SEMA6D: variants seen among roughly 807,000 people sequenced by gnomAD.
The protein encoded by SEMA6D is semaphorin 6D, also known as semaphorin-6D.
A neutral mutation model predicts 106.6 loss-of-function variants in SEMA6D; 35 were observed. The observed-to-expected ratio is 0.33, with a 90% CI of 0.25 to 0.44. The LOEUF is 0.44. Among genes scored for constraint, SEMA6D ranks in the 20% least tolerant of loss-of-function variants. The probability of loss-of-function intolerance (pLI) is 1.00; values close to 1 mark genes in which losing one functional copy is unlikely to be tolerated. For missense variants in SEMA6D, 1,185 were observed against 1,345.9 expected (o/e 0.88, Z 1.87); for synonymous variants, 499 against 487.7 (o/e 1.02, Z -0.31).
chr15:47,760,489 C>T (rs1396597770), intron 3 of SEMA6D, 74 bp downstream of exon 3: 3 of 1,127,076 alleles, frequency 2.7e-6, no homozygotes, highest in Non-Finnish European at 3.9e-6. Flanking sequence ...GTGTCTAGTT[C>T]ATGAAAAACT....
intron 4 of SEMA6D, among the ~76,000 whole-genome samples, chr15:47,631,869 T>C (rs2077299178): frequency 6.6e-6 from 1 of 152,028 alleles, no homozygotes; most frequent in Non-Finnish European, 1.5e-5. Flanking sequence ...ATAATGTGTC[T>C]TGGCATGGAT....
chr15:47,625,675 G>A (rs1009095085), intron 4 of SEMA6D, among the ~76,000 whole-genome samples: 1 of 151,512 alleles, frequency 6.6e-6, no homozygotes, highest in Non-Finnish European at 1.5e-5. Flanking sequence ...GGGTGACAGA[G>A]CCTGACCGTG....
intron 3 of SEMA6D, among the ~76,000 whole-genome samples, chr15:47,590,193 T>C (rs1183365923): frequency 2.0e-5 from 3 of 152,064 alleles, no homozygotes; most frequent in African/African-American, 4.8e-5. Flanking sequence ...TGGAATACTA[T>C]GCAGCCATAA....
chr15:47,415,161 C>G (rs16959431), intron 2 of SEMA6D, among the ~76,000 whole-genome samples: 15,322 of 152,150 alleles, frequency 0.1, 1,081 homozygotes, highest in East Asian at 0.28. Flanking sequence ...TGAATGAAGG[C>G]TTACAGTTGC....
chr15:47,460,720 A>G (rs1409424385), intron 2 of SEMA6D, among the ~76,000 whole-genome samples: 2 of 152,134 alleles, frequency 1.3e-5, no homozygotes, highest in Admixed American at 1.3e-4. Flanking sequence ...ATTTTTATTT[A>G]AACTATAATA....
At chr15:47,338,914 C>G (rs2037687495) in intron 1 of SEMA6D, among the ~76,000 whole-genome samples, 1 of 152,134 alleles carries the variant, frequency 6.6e-6, no homozygotes, top group Non-Finnish European at 1.5e-5. Context: ...ATTCCTGCAC[C>G]ATACCATAGA....
In SEMA6D at chr15:47,589,473, C is replaced by T. The variant is rs539213418; in HGVS notation, c.-86-11392C>T. On this transcript the variant is annotated intron_variant, in intron 3 of 19. Transcript: ENST00000558014. ...CCTGCTGACAAAGCAAGTGTTTGCC[C>T]TCCCAGTGGTCCTCTCCTTGGCCTG... Among the ~76,000 whole-genome samples, 6 of 152,340 alleles carry T rather than the reference C, an allele frequency of 3.9e-5. No homozygotes were observed. In the East Asian group the frequency reaches 9.7e-4, roughly 25 times the overall value.
chr15:47,440,316 A>ATGACG (rs58029418), intron 2 of SEMA6D, among the ~76,000 whole-genome samples: 120,657 of 151,730 alleles, frequency 0.8, 49,043 homozygotes, highest in East Asian at 0.98. Context: ...GCCAAACAAA[A>ATGACG]TGACAGTGGG....
At chr15:47,760,521 A>G (rs1168157840) in intron 3 of SEMA6D, 106 bp downstream of exon 3, 1 of 837,558 alleles carries the variant, frequency 1.2e-6, no homozygotes, top group African/African-American at 1.7e-5. Flanking sequence ...GTGATCAAAA[A>G]TTGCAAGTAG....
chr15:47,317,831 G>A (rs530110538), intron 1 of SEMA6D, among the ~76,000 whole-genome samples: 1 of 152,174 alleles, frequency 6.6e-6, no homozygotes, highest in South Asian at 2.1e-4. Context: ...CTGCCCAGGT[G>A]TAGTGTTTTA....
At chr15:47,232,376 G>T (rs113844308) in intron 1 of SEMA6D, among the ~76,000 whole-genome samples, 4 of 151,998 alleles carry the variant, frequency 2.6e-5, no homozygotes, top group African/African-American at 9.6e-5. Flanking sequence ...TGGAATTGCT[G>T]GGTCATATGG....
At chr15:47,656,157 T>G (rs1566964514) in intron 4 of SEMA6D, among the ~76,000 whole-genome samples, 1 of 152,252 alleles carries the variant, frequency 6.6e-6, no homozygotes, top group Non-Finnish European at 1.5e-5. Flanking sequence ...ACATTTGAGT[T>G]ATAGTGCTGT....
intron 1 of SEMA6D, among the ~76,000 whole-genome samples, chr15:47,409,513 C>CA: frequency 6.6e-6 from 1 of 152,282 alleles, no homozygotes; most frequent in East Asian, 1.9e-4. Flanking sequence ...GTTCCTCCCC[C>CA]ATAAATAAGG....
At chr15:47,569,267 C>T (rs978834327) in intron 3 of SEMA6D, among the ~76,000 whole-genome samples, 6 of 152,146 alleles carry the variant, frequency 3.9e-5, no homozygotes, top group African/African-American at 1.4e-4. Flanking sequence ...TGCATTCCAC[C>T]TGGCTGCTGG....
intron 3 of SEMA6D, among the ~76,000 whole-genome samples, chr15:47,573,300 CA>C (rs112635043): frequency 0.087 from 13,055 of 150,650 alleles, 702 homozygotes; most frequent in East Asian, 0.25. Flanking sequence ...GTTTATTCTC[CA>C]AAAAAAAATC....
intron 1 of SEMA6D, among the ~76,000 whole-genome samples, chr15:47,280,506 G>A (rs1456117742): frequency 7.3e-5 from 9 of 122,470 alleles, no homozygotes; most frequent in African/African-American, 2.8e-4. Context: ...TTTTTGAAGG[G>A]TTTTTTGTGT....
chr15:47,257,779 T>C lies in SEMA6D; in HGVS notation c.-239+73361T>C, dbSNP rs1311437022. The stretch of plus-strand genomic sequence containing the variant: ...TGCAGTTTGGAAGTGGATTGTTCTA[T>C]ATATGTCAACTAGATTCTGTTGTTT... On this transcript the variant is annotated intron_variant, in intron 1 of 19. Coordinates refer to the SEMA6D transcript ENST00000558014. Among the ~76,000 whole-genome samples, 4 of 152,290 alleles carry C rather than the reference T, an allele frequency of 2.6e-5. No individual in the cohort carries two copies. The East Asian group carries it at 7.7e-4, about 29-fold the overall frequency.
At chr15:47,745,982 C>A (rs1189171683) in intron 1 of SEMA6D, among the ~76,000 whole-genome samples, 2 of 152,198 alleles carry the variant, frequency 1.3e-5, no homozygotes, top group Non-Finnish European at 2.9e-5. Context: ...CTTACAGAAT[C>A]CTGATAAGGT....
At chr15:47,452,390 C>G (rs2042220751) in intron 2 of SEMA6D, among the ~76,000 whole-genome samples, 1 of 150,340 alleles carries the variant, frequency 6.7e-6, no homozygotes, top group Non-Finnish European at 1.5e-5. Context: ...CACTTAGCAT[C>G]TGTGTAATCT....
Sources: allele counts gnomAD v4.1 joint callset (sites outside exome capture counted in the v4.1 genomes callset), GRCh38; gene constraint gnomAD v4.1.1; transcripts MANE v1.5; gene names NCBI Gene and HGNC (gene_info 2026-07-23, HGNC 2026-07-21).